PLCB1: variants seen among roughly 807,000 people sequenced by gnomAD.
PLCB1 encodes phospholipase C beta 1, also known as 1-phosphatidylinositol 4,5-bisphosphate phosphodiesterase beta-1.
A neutral mutation model predicts 161.8 loss-of-function variants in PLCB1; 46 were observed. The observed-to-expected ratio is 0.28, with a 90% confidence interval of 0.22 to 0.36. The LOEUF (loss-of-function observed/expected upper bound fraction) is 0.36. PLCB1 is among the 10% of genes least tolerant of loss of function. The probability of loss-of-function intolerance (pLI) is 1.00; values close to 1 mark genes in which losing one functional copy is unlikely to be tolerated. For synonymous variants in PLCB1, 517 were observed against 503.7 expected (o/e 1.03, Z -0.35); for missense variants, 1,016 against 1,472.5 (o/e 0.69, Z 5.07).
chr20:8,238,866 T>A (rs6140561), intron 2 of PLCB1, among the ~76,000 whole-genome samples: 22 of 150,088 alleles, frequency 1.5e-4, no homozygotes, highest in Admixed American at 1.2e-3. Flanking sequence ...AATGGGTGGC[T>A]GGGGGGAAGA....
At chr20:8,199,053 A>C (rs2052061138) in intron 2 of PLCB1, among the ~76,000 whole-genome samples, 2 of 152,062 alleles carry the variant, frequency 1.3e-5, no homozygotes, top group African/African-American at 4.8e-5. Flanking sequence ...GCTATACATA[A>C]TTATTTATAA....
chr20:8,348,622 G>T (rs1986075973), intron 2 of PLCB1, among the ~76,000 whole-genome samples: 1 of 152,152 alleles, frequency 6.6e-6, no homozygotes, highest in African/African-American at 2.4e-5. Flanking sequence ...TGTGATGCAG[G>T]CCTAATGGCC....
At chr20:8,230,345 A>G (rs1979962300) in intron 2 of PLCB1, among the ~76,000 whole-genome samples, 2 of 152,132 alleles carry the variant, frequency 1.3e-5, no homozygotes, top group South Asian at 4.1e-4. Flanking sequence ...AATGTGTAAT[A>G]ATCAAATCAG....
intron 2 of PLCB1, among the ~76,000 whole-genome samples, chr20:8,178,587 A>G (rs183722674): frequency 3.4e-4 from 51 of 152,102 alleles, no homozygotes; most frequent in African/African-American, 8.9e-4. Context: ...CAGGCTGTCT[A>G]TTTACTCTGT....
chr20:8,407,672 T>G (rs749219578), intron 3 of PLCB1, among the ~76,000 whole-genome samples: 2 of 152,176 alleles, frequency 1.3e-5, no homozygotes, highest in Admixed American at 6.5e-5. Context: ...TTCTGAGAGA[T>G]ACAAATCAGG....
At chr20:8,696,175 C>G (rs1990579465) in intron 10 of PLCB1, among the ~76,000 whole-genome samples, 1 of 152,118 alleles carries the variant, frequency 6.6e-6, no homozygotes, top group South Asian at 2.1e-4. Flanking sequence ...GAGTTTAGTT[C>G]TCTATGGTAT....
At chr20:8,489,870 A>T (rs1982873154) in intron 3 of PLCB1, among the ~76,000 whole-genome samples, 1 of 152,138 alleles carries the variant, frequency 6.6e-6, no homozygotes, top group Non-Finnish European at 1.5e-5. Flanking sequence ...CAAATTTGGG[A>T]TTCTCTAAAT....
chr20:8,471,215 C>G (rs1347480700), intron 3 of PLCB1, among the ~76,000 whole-genome samples: 3 of 152,228 alleles, frequency 2.0e-5, no homozygotes, highest in African/African-American at 7.2e-5. Flanking sequence ...GTCTGGAGAA[C>G]CATAGGCTCA....
intron 31 of PLCB1, among the ~76,000 whole-genome samples, chr20:8,876,668 T>G (rs1600109566): frequency 6.6e-6 from 1 of 152,312 alleles, no homozygotes; most frequent in East Asian, 1.9e-4. Context: ...TCACCTGATC[T>G]CAGTAGGCTT....
intron 3 of PLCB1, among the ~76,000 whole-genome samples, chr20:8,445,842 T>G (rs1231313159): frequency 6.6e-6 from 1 of 152,114 alleles, no homozygotes; most frequent in Non-Finnish European, 1.5e-5. Context: ...GATTTGGCTC[T>G]CTGTTTGTCT....
intron 2 of PLCB1, among the ~76,000 whole-genome samples, chr20:8,221,375 A>AT (rs376302120): frequency 9.9e-5 from 15 of 152,116 alleles, no homozygotes; most frequent in East Asian, 1.9e-4. Context: ...TCTAATTGCA[A>AT]TTTTTTTTAT....
chr20:8,673,293 G>A (rs1989996000), intron 9 of PLCB1, among the ~76,000 whole-genome samples: 4 of 152,168 alleles, frequency 2.6e-5, no homozygotes, highest in Admixed American at 2.6e-4. Flanking sequence ...TGGAGCAGGT[G>A]GCTCGCAATG....
chr20:8,571,956 C>T (rs1048009549), intron 3 of PLCB1, among the ~76,000 whole-genome samples: 5 of 152,092 alleles, frequency 3.3e-5, no homozygotes, highest in Non-Finnish European at 7.4e-5. Flanking sequence ...GAACACTTTT[C>T]TTTCTTCTGC....
rs201212018 is a variant in PLCB1 at position 8,242,084 on chromosome 20, TAGA to T, written c.177+91716_177+91718del. 3.6e-4 allele frequency among the ~76,000 whole-genome samples: 54 copies of T among 152,110 alleles called. 2 individuals are homozygous for T. The East Asian group carries it at 0.011, about 30-fold the overall frequency. Reference sequence around the variant, plus strand: ...CAGCCAGATATTAGGAGTCAGGAGCTAGAAGGACTCCCTGTGTCTCTCCAGAGA... The same window carrying T: ...CAGCCAGATATTAGGAGTCAGGAGCTAGGACTCCCTGTGTCTCTCCAGAGA... On this transcript the variant is annotated intron_variant, in intron 2 of 31. Coordinates refer to ENST00000338037, the MANE Select transcript of PLCB1 (RefSeq NM_015192.4).
intron 3 of PLCB1, among the ~76,000 whole-genome samples, chr20:8,616,874 C>A (rs1600194557): frequency 6.6e-6 from 1 of 152,178 alleles, no homozygotes; most frequent in Non-Finnish European, 1.5e-5. Flanking sequence ...CTCAGTATTC[C>A]CCAAGAATAG....
At chr20:8,843,372 CA>C (rs1986577083) in intron 31 of PLCB1, among the ~76,000 whole-genome samples, 1 of 152,170 alleles carries the variant, frequency 6.6e-6, no homozygotes, top group African/African-American at 2.4e-5. Context: ...CTGGCTTTGG[CA>C]AATTTTATTT....
rs1982254191 is a variant in PLCB1, at chr20:8,765,191, A to T, written c.2763A>T (p.Lys921Asn). ...EELKQQKSFVKLQKKHYKEMK... is the reference protein window; with the variant it reads ...EELKQQKSFVNLQKKHYKEMK... The stretch of plus-strand genomic sequence containing the variant: ...TAAAGCAACAGAAATCGTTTGTGAA[A>T]CTTCAAAAGAAACACTACAAAGAAA... The change falls in exon 26 of 32, where the codon AAA (lysine) becomes AAT (asparagine). Residue 921 changes from lysine (K) to asparagine (N), a missense_variant. Lys to Asn is a moderately conservative substitution (Grantham distance 94). This residue lies in a region of PLCB1 where 398 missense variants were observed against 445.4 expected (regional missense o/e 0.89). Transcript: ENST00000338037. 1 of 1,614,090 alleles carries T rather than the reference A, an allele frequency of 6.2e-7. No individual in the cohort carries two copies. Among genetic ancestry groups the T allele is most frequent in the African/African-American group, 1.3e-5 (1 of 75,040 alleles).
At chr20:8,746,357 GTAAA>G (rs1981170917) in intron 23 of PLCB1, among the ~76,000 whole-genome samples, 1 of 152,064 alleles carries the variant, frequency 6.6e-6, no homozygotes, top group Non-Finnish European at 1.5e-5. Context: ...AAAGGAAAAA[GTAAA>G]TATCCAATAC....
intron 2 of PLCB1, among the ~76,000 whole-genome samples, chr20:8,365,251 A>AT (rs1986670866): frequency 6.6e-6 from 1 of 152,216 alleles, no homozygotes; most frequent in Admixed American, 6.5e-5. Context: ...ACAAGTGATA[A>AT]TTTGAGGGAA....
Sources: allele counts gnomAD v4.1 joint callset (sites outside exome capture counted in the v4.1 genomes callset), GRCh38; gene constraint gnomAD v4.1.1; regional missense constraint gnomAD v4.1.1; transcripts MANE v1.5; gene names NCBI Gene and HGNC (gene_info 2026-07-23, HGNC 2026-07-21).